Variants in RTL4 observed in about 807,000 individuals in gnomAD.
The protein encoded by RTL4 is retrotransposon Gag-like protein 4.
Under a neutral mutation model 5.3 loss-of-function variants are expected in RTL4, and 4 were observed. That is an observed-to-expected ratio of 0.75 (90% confidence interval 0.37 to 1.72). The LOEUF is 1.72. Among genes scored for constraint, RTL4 ranks in the 40% most tolerant of loss-of-function variants. The pLI, the probability that RTL4 is intolerant of heterozygous loss-of-function variation, is 0.04. For synonymous variants in RTL4, 98 were observed against 87.3 expected, an observed-to-expected ratio of 1.12 and a Z score of -0.68; for missense variants, 260 against 227.1, an observed-to-expected ratio of 1.14 and a Z score of -0.93.
chrX:112,260,748 C>T, the RTL4 span, among the ~76,000 whole-genome samples: 1 of 111,909 alleles, frequency 8.9e-6, no homozygotes, highest in Non-Finnish European at 1.9e-5. Context: ...CTTCTTACCT[C>T]GATCCTGCTA....
the RTL4 span, among the ~76,000 whole-genome samples, chrX:112,320,666 T>G: frequency 9.0e-6 from 1 of 111,625 alleles, no homozygotes; most frequent in Non-Finnish European, 1.9e-5. Flanking sequence ...TTGAGCCATG[T>G]GTCTGGAATT....
the RTL4 span, among the ~76,000 whole-genome samples, chrX:112,351,511 T>C: frequency 3.7e-5 from 4 of 107,148 alleles, no homozygotes; most frequent in Non-Finnish European, 7.6e-5. Context: ...TAAGTCTCTT[T>C]GTAGGTCACT....
At chrX:112,392,952 T>C in the RTL4 span, among the ~76,000 whole-genome samples, 2 of 110,171 alleles carry the variant, frequency 1.8e-5, no homozygotes, top group African/African-American at 3.3e-5. Context: ...ACAGCAAAGA[T>C]GATGGCCTGC....
chrX:112,342,055 G>A, the RTL4 span, among the ~76,000 whole-genome samples: 1 of 111,229 alleles, frequency 9.0e-6, no homozygotes, highest in East Asian at 2.8e-4. Flanking sequence ...TAAAGGGAGA[G>A]TTTCTAGCAC....
At chrX:112,289,487 T>G in the RTL4 span, among the ~76,000 whole-genome samples, 1 of 112,355 alleles carries the variant, frequency 8.9e-6, no homozygotes, top group African/African-American at 3.2e-5. Context: ...AAATATTGAC[T>G]TGGAACCAGA....
At chrX:112,219,497 G>A in the RTL4 span, among the ~76,000 whole-genome samples, 13 of 112,203 alleles carry the variant, frequency 1.2e-4, no homozygotes, top group African/African-American at 3.6e-4. Context: ...TAAAATGGCA[G>A]AGCTAACACC....
the RTL4 span, among the ~76,000 whole-genome samples, chrX:112,133,795 G>A: frequency 1.8e-5 from 2 of 112,108 alleles, no homozygotes; most frequent in Non-Finnish European, 3.8e-5. Flanking sequence ...TTATCCCAGT[G>A]CCTGCTACAT....
chrX:112,098,361 G>A, the RTL4 span, among the ~76,000 whole-genome samples: 1 of 111,060 alleles, frequency 9.0e-6, no homozygotes, highest in Non-Finnish European at 1.9e-5. Context: ...GTCTATCATT[G>A]TTAGACATTT....
chrX:112,154,383 G>A, the RTL4 span, among the ~76,000 whole-genome samples: 4 of 111,931 alleles, frequency 3.6e-5, no homozygotes, highest in Admixed American at 2.9e-4. Flanking sequence ...ATATGTATAA[G>A]CCATAATTTC....
At chrX:112,368,162 G>T in the RTL4 span, among the ~76,000 whole-genome samples, 2 of 111,749 alleles carry the variant, frequency 1.8e-5, no homozygotes, top group African/African-American at 6.5e-5. Flanking sequence ...GGCAAGACTA[G>T]AGACAGGTAG....
chrX:112,103,278 A>G, the RTL4 span, among the ~76,000 whole-genome samples: 1 of 111,825 alleles, frequency 8.9e-6, no homozygotes, highest in Non-Finnish European at 1.9e-5. Flanking sequence ...AGGGACATGG[A>G]TTGAGCTGGG....
the RTL4 span, among the ~76,000 whole-genome samples, chrX:112,187,253 C>T: frequency 8.9e-6 from 1 of 112,347 alleles, no homozygotes; most frequent in Non-Finnish European, 1.9e-5. Flanking sequence ...CTCAATTACT[C>T]TCTTTGAGTG....
the RTL4 span, among the ~76,000 whole-genome samples, chrX:112,229,391 T>C: frequency 8.9e-6 from 1 of 112,330 alleles, no homozygotes; most frequent in African/African-American, 3.2e-5. Flanking sequence ...AGGAAATCGA[T>C]GCACAGAGAA....
At chrX:112,437,462 GTTAA>G in the RTL4 span, among the ~76,000 whole-genome samples, 6 of 111,623 alleles carry the variant, frequency 5.4e-5, 1 homozygote, top group Middle Eastern at 0.018. Flanking sequence ...GGTGATGGAT[GTTAA>G]TTAGTTTAAT....
the RTL4 span, among the ~76,000 whole-genome samples, chrX:112,262,990 G>A: frequency 3.0e-5 from 3 of 101,579 alleles, no homozygotes; most frequent in African/African-American, 1.1e-4. Context: ...ACTCATAGGT[G>A]GGAATTGAAC....
At chrX:112,427,430 G>GA in the RTL4 span, among the ~76,000 whole-genome samples, 7 of 110,553 alleles carry the variant, frequency 6.3e-5, no homozygotes, top group Admixed American at 2.9e-4. Context: ...TAGGAATAGA[G>GA]AAAAAAACCT....
the RTL4 span, among the ~76,000 whole-genome samples, chrX:112,143,881 C>A: frequency 8.9e-6 from 1 of 111,754 alleles, no homozygotes; most frequent in African/African-American, 3.3e-5. Flanking sequence ...AAGATGTTTC[C>A]CCAGTTTTAT....
the RTL4 span, among the ~76,000 whole-genome samples, chrX:112,138,883 T>C: frequency 1.8e-5 from 2 of 111,616 alleles, no homozygotes; most frequent in African/African-American, 3.2e-5. Flanking sequence ...ATTAAGAAAT[T>C]AACATTGGTA....
chrX:112,115,693 C>T, the RTL4 span, among the ~76,000 whole-genome samples: 1 of 111,563 alleles, frequency 9.0e-6, no homozygotes, highest in Non-Finnish European at 1.9e-5. Flanking sequence ...GATTGGTAAG[C>T]CCAGGTGCCT....
Sources: allele counts gnomAD v4.1 joint callset (sites outside exome capture counted in the v4.1 genomes callset), GRCh38; gene constraint gnomAD v4.1.1; transcripts MANE v1.5; gene names NCBI Gene and HGNC (gene_info 2026-07-23, HGNC 2026-07-21).